The following TIMM23 variants were observed in gnomAD, a reference collection of about 807,000 sequenced individuals.
TIMM23 encodes translocase of inner mitochondrial membrane 23, also known as mitochondrial import inner membrane translocase subunit Tim23.
TIMM23 carries 19 observed loss-of-function variants against 30.7 expected under a neutral mutation model. The ratio of observed to expected loss-of-function variants is 0.62; its 90% CI spans 0.43 to 0.91. The LOEUF is 0.91. Among genes scored for constraint, TIMM23 ranks in the 40% least tolerant of loss-of-function variants. TIMM23 has a pLI of 0.00. For synonymous variants in TIMM23, 78 were observed against 98.5 expected (o/e 0.79, Z 1.23); for missense variants, 202 against 269.2 (o/e 0.75, Z 1.75).
intron 6 of TIMM23, among the ~76,000 whole-genome samples, chr10:45,998,986 C>T (rs1838432970): frequency 6.6e-6 from 1 of 151,980 alleles, no homozygotes; most frequent in Non-Finnish European, 1.5e-5. Flanking sequence ...GTGCCTGCCA[C>T]CACACCTGGC....
intron 6 of TIMM23, among the ~76,000 whole-genome samples, chr10:45,991,659 G>T (rs1443715522): frequency 2.0e-5 from 3 of 152,038 alleles, no homozygotes; most frequent in Non-Finnish European, 4.4e-5. Context: ...GCTGAGGCAG[G>T]AGAATTGCTT....
intron 6 of TIMM23, chr10:46,002,589 A>T: frequency 1.4e-6 from 1 of 693,722 alleles, no homozygotes; most frequent in Non-Finnish European, 1.8e-6. Context: ...TGACAGTGCT[A>T]GTGGAGTTCT....
At position 45,999,112 on chromosome 10, in the gene TIMM23, C is replaced by A. The variant is rs1002799759; in HGVS notation, c.515-4091C>A. ...CCTTCCAAAGTGCTGGGATTACAGG[C>A]CGTGAGCCACCATGCCAGGCCTTTT... On this transcript the variant is annotated intron_variant, in intron 6 of 6. Transcript: ENST00000580018. Among the ~76,000 whole-genome samples, 340 of 152,038 alleles carry A rather than the reference C, an allele frequency of 2.2e-3. 2 individuals are homozygous for A. The highest frequency in any genetic ancestry group is 7.8e-3 in the African/African-American group (325 of 41,484).
intron 6 of TIMM23, among the ~76,000 whole-genome samples, chr10:46,000,219 T>C (rs1838485144): frequency 6.6e-6 from 1 of 152,218 alleles, no homozygotes; most frequent in Admixed American, 6.5e-5. Flanking sequence ...AGGGTATTGA[T>C]TGGGGAAGTG....
Position 45,972,691 on chromosome 10 carries a change from G to A in TIMM23, c.67G>A (p.Gly23Arg). The A allele has an allele frequency of 6.2e-7, 1 of 1,614,012 alleles. No individual in the cohort carries two copies. Among genetic ancestry groups the A allele is most frequent in the Non-Finnish European group, 8.5e-7 (1 of 1,179,876 alleles). ...ATTGGCCGGCTTTTTCGGAGCCGGCGGAGCAGGTTACTCGCACGCGGATTT... is the reference window on the plus strand; with the variant it reads ...ATTGGCCGGCTTTTTCGGAGCCGGCAGAGCAGGTTACTCGCACGCGGATTT... The part of the protein sequence containing the change: ...GGLAGFFGAG[G>R]AGYSHADLAG... Residue 23 changes from glycine (G) to arginine (R), a missense_variant, in exon 1 of 7, where the codon GGA becomes AGA. Physicochemically the swap from Gly to Arg is moderately radical, Grantham distance 125 (BLOSUM62 -2). Coordinates refer to ENST00000580018, the MANE Select transcript of TIMM23 (RefSeq NM_006327.4).
Position 45,985,567 on chromosome 10 carries a change from C to T in TIMM23, c.403+126C>T, listed in dbSNP as rs2132259100. The T allele has an allele frequency of 2.6e-6, 3 of 1,174,734 alleles. No individual in the cohort carries two copies. In the East Asian group the frequency reaches 7.1e-5, roughly 28 times the overall value. 72.8% of individuals were successfully genotyped at this position (1,174,734 alleles called of 1,614,324 possible). ...AATTATGTTTAAACCCATTCCAATG[C>T]ATAATGTAGATACTACTTAGGGAAA... On this transcript the variant is annotated intron_variant, in intron 5 of 6. Coordinates refer to ENST00000580018, the MANE Select transcript of TIMM23 (RefSeq NM_006327.4).
intron 2 of TIMM23, among the ~76,000 whole-genome samples, chr10:45,977,092 A>G (rs1280417969): frequency 1.6e-3 from 241 of 149,982 alleles, no homozygotes; most frequent in African/African-American, 5.4e-3. Context: ...ACTATAAAAC[A>G]TTATTGAAAT....
chr10:45,974,610 C>T (rs1183779745), intron 1 of TIMM23, among the ~76,000 whole-genome samples: 1 of 152,250 alleles, frequency 6.6e-6, no homozygotes, highest in Non-Finnish European at 1.5e-5. Context: ...TAAGACAAAT[C>T]ACTGTAGTTG....
chr10:46,002,320 C>T (rs184758401), intron 6 of TIMM23: 13 of 155,072 alleles, frequency 8.4e-5, no homozygotes, highest in Non-Finnish European at 1.7e-4. Flanking sequence ...GGACCACAGG[C>T]GCATGCCACC....
At chr10:45,993,724 A>G (rs1445493044) in intron 6 of TIMM23, among the ~76,000 whole-genome samples, 1 of 152,082 alleles carries the variant, frequency 6.6e-6, no homozygotes, top group Non-Finnish European at 1.5e-5. Flanking sequence ...GAATAATGAA[A>G]TGCCAGGTGA....
At chr10:46,001,281 G>GA (rs1169581474) in intron 6 of TIMM23, among the ~76,000 whole-genome samples, 1 of 152,190 alleles carries the variant, frequency 6.6e-6, no homozygotes, top group African/African-American at 2.4e-5. Flanking sequence ...GAGATGATGT[G>GA]AACTTCAAGG....
chr10:45,994,044 G>GAAAGGAAATA, intron 6 of TIMM23, among the ~76,000 whole-genome samples: 1 of 152,116 alleles, frequency 6.6e-6, no homozygotes, highest in African/African-American at 2.4e-5. Context: ...AATATGAAAT[G>GAAAGGAAATA]AAAGGAAATA....
chr10:46,003,498 T>C lies in TIMM23; in HGVS notation c.*180T>C. ...GACTGGCACTTGTTCCAGCCATTAG[T>C]GAGTTGAAGCCAAAGCCCTTTGGTG... is the stretch of plus-strand genomic sequence containing the variant. On this transcript the variant is annotated 3_prime_UTR_variant, in exon 7 of 7. Coordinates refer to ENST00000580018, the MANE Select transcript of TIMM23 (RefSeq NM_006327.4). 1 of 533,884 alleles carries C rather than the reference T, an allele frequency of 1.9e-6. No homozygotes were observed. Among genetic ancestry groups the C allele is most frequent in the South Asian group, 2.2e-5 (1 of 45,106 alleles). 33.1% of individuals were successfully genotyped at this position (533,884 alleles called of 1,614,324 possible). A position where few individuals can be genotyped will look rare whatever the true frequency, so the allele number is the denominator to read the frequency against.
rs577674043 is a variant in TIMM23, at chr10:46,003,398, C to G, written c.*80C>G. On this transcript the variant is annotated 3_prime_UTR_variant, in exon 7 of 7. Coordinates refer to ENST00000580018, the MANE Select transcript of TIMM23 (RefSeq NM_006327.4). ...ATAAGACAGTTTGGAGTTATTCTCT[C>G]TCTTCTACCTACAATTAGTTTGAAA... is the stretch of plus-strand genomic sequence containing the variant. The G allele has an allele frequency of 2.5e-4, 241 of 962,544 alleles. 1 individual carries two copies. In the African/African-American group the frequency reaches 3.4e-3, roughly 14 times the overall value. 59.6% of individuals were successfully genotyped at this position (962,544 alleles called of 1,614,324 possible).
chr10:45,985,429 C>G lies in TIMM23; in HGVS notation c.391C>G (p.Leu131Val), dbSNP rs1400138694. Residue 131 changes from leucine (L) to valine (V), a missense_variant, in exon 5 of 7, where the codon CTA becomes GTA. Leu to Val is a conservative substitution (Grantham distance 32). Coordinates refer to ENST00000580018, the MANE Select transcript of TIMM23 (RefSeq NM_006327.4). ...TRQGALWANT[L>V]GSLALLYSAF... is the part of the protein sequence containing the mutation. ...GCAAGGGGCACTTTGGGCTAATACT[C>G]TAGGTTCTCTGGGTAAGTAGAGATC... is the stretch of plus-strand genomic sequence containing the variant. 8 of 1,613,312 alleles carry G rather than the reference C, an allele frequency of 5.0e-6. No individual in the cohort carries two copies. The Admixed American group carries it at 5.0e-5, about 10-fold the overall frequency.
At chr10:45,989,886 G>C (rs1838103898) in intron 6 of TIMM23, among the ~76,000 whole-genome samples, 2 of 152,128 alleles carry the variant, frequency 1.3e-5, no homozygotes, top group South Asian at 4.1e-4. Flanking sequence ...TTATTGTGTT[G>C]ATACATCTTT....
Position 45,992,611 on chromosome 10 carries a change from G to A in TIMM23, c.514+3764G>A, listed in dbSNP as rs1191524895. The A allele has an allele frequency of 1.4e-5, 6 of 425,502 alleles. 1 individual carries two copies. Among genetic ancestry groups the A allele is most frequent in the East Asian group, 7.0e-5 (1 of 14,196 alleles). 26.4% of individuals were successfully genotyped at this position (425,502 alleles called of 1,614,324 possible). On this transcript the variant is annotated intron_variant, in intron 6 of 6. Transcript: ENST00000580018. ...TTTTGCTCTGTCGCCAGGCTGCAGT[G>A]CAGTGGCACAATCTTGGCTCATTAC...
At chr10:45,999,964 A>G (rs1554917365) in intron 6 of TIMM23, among the ~76,000 whole-genome samples, 1 of 152,228 alleles carries the variant, frequency 6.6e-6, no homozygotes, top group African/African-American at 2.4e-5. Context: ...TGAAGGAAGA[A>G]CAGTATGGCT....
chr10:45,972,664 G>A lies in TIMM23; in HGVS notation c.40G>A (p.Gly14Arg). 6.2e-7 allele frequency: 1 copy of A among 1,614,024 alleles called. No individual in the cohort carries two copies. The highest frequency in any genetic ancestry group is 2.2e-5 in the East Asian group (1 of 44,888). The change falls in exon 1 of 7, where the codon GGA becomes AGA. Residue 14 changes from glycine to arginine, a missense_variant. Transcript: ENST00000580018. ...GGGSGNKTTGGLAGFFGAGGA... is the reference protein window; with the variant it reads ...GGGSGNKTTGRLAGFFGAGGA... The stretch of plus-strand genomic sequence containing the variant: ...GGGAAGCGGCAACAAAACCACAGGG[G>A]GATTGGCCGGCTTTTTCGGAGCCGG...
Sources: gnomAD v4.1 joint callset for allele counts (sites outside exome capture counted in the v4.1 genomes callset) on GRCh38, gnomAD v4.1.1 for gene constraint, MANE v1.5 for transcripts, NCBI Gene and HGNC (gene_info 2026-07-23, HGNC 2026-07-21) for gene names.